SCN8A: variants seen among roughly 807,000 people sequenced by gnomAD.
The protein encoded by SCN8A is sodium channel protein type 8 subunit alpha.
A neutral mutation model predicts 184.1 loss-of-function variants in SCN8A; 30 were observed. The ratio of observed to expected loss-of-function variants is 0.16; its 90% confidence interval spans 0.12 to 0.22. The LOEUF is 0.22. SCN8A is among the 10% of genes least tolerant of loss of function. The probability of loss-of-function intolerance (pLI) is 1.00; values close to 1 mark genes in which losing one functional copy is unlikely to be tolerated. For missense variants in SCN8A, 1,057 were observed against 2,498.9 expected (o/e 0.42, Z 12.30); for synonymous variants, 852 against 907.0 (o/e 0.94, Z 1.09).
intron 26 of SCN8A, among the ~76,000 whole-genome samples, chr12:51,798,238 AC>A (rs545490963): frequency 1.3e-5 from 2 of 152,300 alleles, no homozygotes; most frequent in South Asian, 2.1e-4. Flanking sequence ...GCATGAACCC[AC>A]TGCCGCACTT....
intron 8 of SCN8A, among the ~76,000 whole-genome samples, chr12:51,702,069 A>G (rs1289929386): frequency 1.3e-5 from 2 of 152,074 alleles, no homozygotes; most frequent in Non-Finnish European, 2.9e-5. Flanking sequence ...CACGCTTGTA[A>G]TCCCAGCACT....
chr12:51,652,856 C>T (rs1238822461), intron 1 of SCN8A, among the ~76,000 whole-genome samples: 1 of 152,148 alleles, frequency 6.6e-6, no homozygotes, highest in Non-Finnish European at 1.5e-5. Flanking sequence ...TGCCTGTTTA[C>T]CTGTCTACTA....
intron 1 of SCN8A, among the ~76,000 whole-genome samples, chr12:51,610,121 G>GAT (rs1205535699): frequency 7.3e-5 from 9 of 123,818 alleles, no homozygotes. Flanking sequence ...AGTGAGCCGA[G>GAT]ATCACACCAT....
Position 51,620,754 on chromosome 12 carries a change from G to A in SCN8A, c.-55+29395G>A, listed in dbSNP as rs181350638. On this transcript the variant is annotated intron_variant, in intron 1 of 26. Coordinates refer to ENST00000627620, the MANE Select transcript of SCN8A (RefSeq NM_001330260.2). ...TGTAATCCCAGCACTTTGGAGGGCC[G>A]AAGCAAGAGGATCGCTTGAGCTCAG... 4.0e-4 allele frequency among the ~76,000 whole-genome samples: 60 copies of A among 151,884 alleles called. No individual in the cohort carries two copies. In the East Asian group the frequency reaches 0.011, roughly 27 times the overall value.
intron 12 of SCN8A, among the ~76,000 whole-genome samples, chr12:51,742,272 A>G (rs745720758): frequency 2.6e-5 from 4 of 152,170 alleles, no homozygotes; most frequent in East Asian, 1.9e-4. Context: ...CTGTATGCCT[A>G]CTATTACCAG....
chr12:51,762,297 G>A (rs1326501356), intron 14 of SCN8A, among the ~76,000 whole-genome samples: 3 of 152,258 alleles, frequency 2.0e-5, no homozygotes, highest in African/African-American at 7.2e-5. Flanking sequence ...GAACTTTGGG[G>A]CTGGGGACTT....
intron 8 of SCN8A, 112 bp downstream of exon 8, chr12:51,701,319 A>G (rs1271991935): frequency 3.5e-6 from 2 of 576,936 alleles, no homozygotes; most frequent in African/African-American, 1.9e-5. Context: ...AGTAGACCTT[A>G]CAATTGCATC....
intron 1 of SCN8A, among the ~76,000 whole-genome samples, chr12:51,639,678 A>T (rs960273329): frequency 6.6e-6 from 1 of 152,052 alleles, no homozygotes; most frequent in Non-Finnish European, 1.5e-5. Flanking sequence ...CAATACAGGA[A>T]ACTTCATTGT....
intron 1 of SCN8A, among the ~76,000 whole-genome samples, chr12:51,604,553 G>A (rs1193665209): frequency 1.3e-5 from 2 of 151,846 alleles, no homozygotes; most frequent in African/African-American, 2.4e-5. Flanking sequence ...CTTTAGAGAT[G>A]GAGTTTCGCT....
chr12:51,623,251 T>C (rs1258499275), intron 1 of SCN8A, among the ~76,000 whole-genome samples: 2 of 152,246 alleles, frequency 1.3e-5, no homozygotes, highest in African/African-American at 4.8e-5. Flanking sequence ...TAAAAGTATG[T>C]ATGCTAACCC....
chr12:51,687,206 GTCA>G lies in SCN8A; in HGVS notation c.606_608del (p.Ile202del). 6.2e-7 allele frequency: 1 copy of G among 1,613,492 alleles called. No individual in the cohort carries two copies. Among genetic ancestry groups the G allele is most frequent in the Non-Finnish European group, 8.5e-7 (1 of 1,179,564 alleles). On this transcript the variant is annotated inframe_deletion, in exon 5 of 27. Coordinates refer to ENST00000627620, the MANE Select transcript of SCN8A (RefSeq NM_001330260.2). ...CCCATGGAACTGGTTAGATTTCAGT[GTCA>G]TCATGATGGCGTAAGTTCTCCCCTT...
At chr12:51,762,778 G>T in intron 15 of SCN8A, 102 bp downstream of exon 15, 2 of 1,050,628 alleles carry the variant, frequency 1.9e-6, no homozygotes, top group Non-Finnish European at 2.6e-6. Context: ...TATATTAGCT[G>T]TATTTTACTC....
intron 1 of SCN8A, among the ~76,000 whole-genome samples, chr12:51,598,754 A>G (rs1255859540): frequency 6.6e-6 from 1 of 152,122 alleles, no homozygotes; most frequent in Non-Finnish European, 1.5e-5. Context: ...TTCTCTTGTA[A>G]TGCTTCCTGC....
intron 11 of SCN8A, among the ~76,000 whole-genome samples, chr12:51,709,310 G>A (rs1941834481): frequency 6.6e-6 from 1 of 152,216 alleles, no homozygotes; most frequent in African/African-American, 2.4e-5. Flanking sequence ...TTGAAACCAT[G>A]AGACTTGTGG....
chr12:51,763,172 C>T (rs1040137050), intron 15 of SCN8A, among the ~76,000 whole-genome samples: 12 of 152,182 alleles, frequency 7.9e-5, no homozygotes, highest in African/African-American at 2.9e-4. Context: ...ACAGATGGTT[C>T]CCAACTTATG....
intron 13 of SCN8A, among the ~76,000 whole-genome samples, chr12:51,749,744 C>T (rs1400884568): frequency 6.6e-6 from 1 of 152,096 alleles, no homozygotes; most frequent in Non-Finnish European, 1.5e-5. Flanking sequence ...AATAAAGCAT[C>T]GCCATCCAGC....
chr12:51,753,858 G>A (rs538360666), intron 14 of SCN8A, among the ~76,000 whole-genome samples: 1 of 152,284 alleles, frequency 6.6e-6, no homozygotes, highest in African/African-American at 2.4e-5. Flanking sequence ...ATTGGGTAGA[G>A]GCTTTGACTG....
At chr12:51,674,801 A>G (rs944093124) in intron 2 of SCN8A, among the ~76,000 whole-genome samples, 1 of 152,300 alleles carries the variant, frequency 6.6e-6, no homozygotes, top group East Asian at 1.9e-4. Flanking sequence ...TTTAATCTTT[A>G]TAACAACCTG....
intron 1 of SCN8A, among the ~76,000 whole-genome samples, chr12:51,626,622 G>A (rs908249279): frequency 1.3e-5 from 2 of 151,956 alleles, no homozygotes; most frequent in African/African-American, 2.4e-5. Flanking sequence ...AGATTACAGG[G>A]CTTTAATCAA....
Sources: allele counts gnomAD v4.1 joint callset (sites outside exome capture counted in the v4.1 genomes callset), GRCh38; gene constraint gnomAD v4.1.1; transcripts MANE v1.5; gene names NCBI Gene and HGNC (gene_info 2026-07-23, HGNC 2026-07-21).